The following WDR97 variants were observed in gnomAD, a reference collection of about 807,000 sequenced individuals.
WDR97 encodes the protein WD repeat-containing protein 97.
Under a neutral mutation model 65.4 loss-of-function variants are expected in WDR97, and 111 were observed. The ratio of observed to expected loss-of-function variants is 1.70; its 90% confidence interval spans 1.45 to 1.99. WDR97 has a LOEUF of 1.99. Among genes scored for constraint, WDR97 ranks in the 30% most tolerant of loss-of-function variants. The pLI, the probability that WDR97 is intolerant of heterozygous loss-of-function variation, is 0.00. For synonymous variants in WDR97, 802 were observed against 397.7 expected, an observed-to-expected ratio of 2.02 and a Z score of -12.10; for missense variants, 1,674 against 865.0, an observed-to-expected ratio of 1.94 and a Z score of -11.73.
Position 144,109,728 on chromosome 8 carries a change from T to G in WDR97, c.1394T>G (p.Ile465Arg). The G allele has an allele frequency of 1.5e-6, 1 of 681,330 alleles. No individual in the cohort carries two copies. Among genetic ancestry groups the G allele is most frequent in the Non-Finnish European group, 2.7e-6 (1 of 376,548 alleles). The allele number at this position is 681,330 out of a possible 1,614,324, so 42.2% of individuals were successfully genotyped here. The change falls in exon 5 of 24, where the codon ATA becomes AGA. Residue 465 changes from isoleucine to arginine, a missense_variant. By Grantham distance (97) the Ile-to-Arg change is moderately conservative (BLOSUM62 -3). Coordinates refer to ENST00000323662, the MANE Select transcript of WDR97 (RefSeq NM_001316309.2). ...VYLLSAATGR[I>R]VSSLLLEPED... ...CTCCTGTCGGCGGCCACCGGGCGCA[T>G]AGTGAGCTCACTGCTGCTGGAGCCG...
intron 15 of WDR97, 29 bp downstream of exon 15, chr8:144,112,559 C>G: frequency 1.4e-6 from 1 of 702,442 alleles, no homozygotes; most frequent in East Asian, 2.7e-5. Context: ...TCCTGGAGAG[C>G]CACTCCTCTC....
Position 144,117,385 on chromosome 8 carries a change from C to T in WDR97, c.*1092C>T, listed in dbSNP as rs1325328316. 1 of 152,204 alleles carries T rather than the reference C, an allele frequency of 6.6e-6. No individual in the cohort carries two copies. Among genetic ancestry groups the T allele is most frequent in the African/African-American group, 2.4e-5 (1 of 41,432 alleles). The allele number at this position is 152,204 out of a possible 1,614,324, so 9.4% of individuals were successfully genotyped here. On this transcript the variant is annotated 3_prime_UTR_variant, in exon 24 of 24. Coordinates refer to ENST00000323662, the MANE Select transcript of WDR97 (RefSeq NM_001316309.2). ...CTTTTTATAAAAAAAATGAGTAAACCTAGATACCTCGATCAGTGTCTAGCG... is the reference window on the plus strand; with the variant it reads ...CTTTTTATAAAAAAAATGAGTAAACTTAGATACCTCGATCAGTGTCTAGCG...
Position 144,111,925 on chromosome 8 carries a change from C to A in WDR97, c.2676C>A (p.Ala892=). Residue 892 remains alanine (A), a synonymous_variant, in exon 13 of 24, where the codon GCC becomes GCA. Coordinates refer to ENST00000323662, the MANE Select transcript of WDR97 (RefSeq NM_001316309.2). ...QSGRGSQQWS[A]GTLRVERETR... ...GAAGGGGGTCCCAGCAGTGGAGTGC[C>A]GGGACCCTCAGAGTGGAGAGAGAGA... The A allele has an allele frequency of 2.8e-6, 2 of 702,464 alleles. No homozygotes were observed. Among genetic ancestry groups the A allele is most frequent in the East Asian group, 2.7e-5 (1 of 37,266 alleles). The allele number at this position is 702,464 out of a possible 1,614,324, so 43.5% of individuals were successfully genotyped here.
chr8:144,108,983 GGC>G (rs1836481251), intron 3 of WDR97, 39 bp downstream of exon 3: 1 of 703,080 alleles, frequency 1.4e-6, no homozygotes, highest in Non-Finnish European at 2.6e-6. Flanking sequence ...GGCATGTAGG[GGC>G]ACACGGCCCT....
rs1371860725 is a variant in WDR97 at position 144,114,552 on chromosome 8, A to G, written c.3793-2A>G. ...CAACCACATCCCCACCGCCTGCCTC[A>G]GGACCAGACACAGAAGAAGTTCGTG... On this transcript the variant is annotated splice_acceptor_variant, in intron 19 of 23. Coordinates refer to ENST00000323662, the MANE Select transcript of WDR97 (RefSeq NM_001316309.2). LOFTEE classifies it high-confidence loss of function. The G allele has an allele frequency of 1.4e-6, 1 of 701,748 alleles. No individual in the cohort carries two copies. Among genetic ancestry groups the G allele is most frequent in the Non-Finnish European group, 2.6e-6 (1 of 384,824 alleles). 43.5% of individuals were successfully genotyped at this position (701,748 alleles called of 1,614,324 possible). A position where few individuals can be genotyped will look rare whatever the true frequency, so the allele number is the denominator to read the frequency against.
At position 144,114,914 on chromosome 8, in the gene WDR97, T is replaced by G; in HGVS notation, c.4077+3T>G. 1.5e-6 allele frequency: 1 copy of G among 689,424 alleles called. No homozygotes were observed. The highest frequency in any genetic ancestry group is 2.6e-6 in the Non-Finnish European group (1 of 379,996). The allele number at this position is 689,424 out of a possible 1,614,324, so 42.7% of individuals were successfully genotyped here. A position where few individuals can be genotyped will look rare whatever the true frequency, so the allele number is the denominator to read the frequency against. ...AGGACATGATCCAGGAGCTTCAGGT[T>G]GGGCCGGCAGGGGCCGGGGGGGCCT... On this transcript the variant is annotated splice_donor_region_variant and intron_variant, in intron 21 of 23. Transcript: ENST00000323662.
rs1836463824 is a variant in WDR97 at position 144,108,470 on chromosome 8, AGGAAGAC to A, written c.407_413del (p.Glu136AlafsTer17). 1.4e-6 allele frequency: 1 copy of A among 700,520 alleles called. No individual in the cohort carries two copies. The highest frequency in any genetic ancestry group is 2.0e-5 in the Admixed American group (1 of 49,918). 43.4% of individuals were successfully genotyped at this position (700,520 alleles called of 1,614,324 possible). ...GGCGCGGGCCGCCTGCACCTGCACAAGGAAGACGGCTGGGCACAGGAGACGCTGCTGG... is the reference window on the plus strand; with the variant it reads ...GGCGCGGGCCGCCTGCACCTGCACAAGGCTGGGCACAGGAGACGCTGCTGG... On this transcript the variant is annotated frameshift_variant, in exon 3 of 24. Coordinates refer to ENST00000323662, the MANE Select transcript of WDR97 (RefSeq NM_001316309.2). LOFTEE classifies it high-confidence loss of function.
Position 144,116,176 on chromosome 8 carries a change from G to A in WDR97, c.4752G>A (p.Pro1584=), listed in dbSNP as rs1003056186. ...AGCTGCCGTTGCCGCGTGTGGAGCC[G>A]CAGCCTTTCCCCCTGGACTGGCCTA... ...TLKLPLPRVE[P]QPFPLDWPMP... is the part of the protein sequence containing the mutation. Residue 1584 remains proline (P), a synonymous_variant, in exon 24 of 24, where the codon CCG becomes CCA. Transcript: ENST00000323662. 1.4e-6 allele frequency: 1 copy of A among 700,168 alleles called. No individual in the cohort carries two copies. Among genetic ancestry groups the A allele is most frequent in the Non-Finnish European group, 2.6e-6 (1 of 383,592 alleles). 43.4% of individuals were successfully genotyped at this position (700,168 alleles called of 1,614,324 possible).
In WDR97 at chr8:144,117,365, T is replaced by G. The variant is rs150398153; in HGVS notation, c.*1072T>G. 84 of 152,302 alleles carry G rather than the reference T, an allele frequency of 5.5e-4. 1 individual carries two copies. The highest frequency in any genetic ancestry group is 2.0e-3 in the African/African-American group (82 of 41,554). 9.4% of individuals were successfully genotyped at this position (152,302 alleles called of 1,614,324 possible). On this transcript the variant is annotated 3_prime_UTR_variant, in exon 24 of 24. Coordinates refer to ENST00000323662, the MANE Select transcript of WDR97 (RefSeq NM_001316309.2). ...TGTCACTAGAGGACTTGACACTTTT[T>G]ATAAAAAAAATGAGTAAACCTAGAT...
Position 144,107,795 on chromosome 8 carries a change from G to A in WDR97, c.45G>A (p.Leu15=), listed in dbSNP as rs1836447377. The A allele has an allele frequency of 1.4e-6, 1 of 702,860 alleles. No homozygotes were observed. 43.5% of individuals were successfully genotyped at this position (702,860 alleles called of 1,614,324 possible). ...AGGCAGAAGGCTACAACCTAGTTCT[G>A]GACTCGGACCTGTATGATGCGGATG... ...VWEAEGYNLV[L]DSDLYDADGY... Residue 15 remains leucine, a synonymous_variant, in exon 1 of 24, where the codon CTG becomes CTA. Coordinates refer to ENST00000323662, the MANE Select transcript of WDR97 (RefSeq NM_001316309.2).
chr8:144,109,602 C>A lies in WDR97; in HGVS notation c.1268C>A (p.Ala423Asp). 1.5e-6 allele frequency: 1 copy of A among 689,190 alleles called. No homozygotes were observed. The highest frequency in any genetic ancestry group is 2.0e-5 in the Admixed American group (1 of 48,860). 42.7% of individuals were successfully genotyped at this position (689,190 alleles called of 1,614,324 possible). The change falls in exon 5 of 24, where the codon GCC (alanine) becomes GAC (aspartate). Residue 423 changes from alanine to aspartate, a missense_variant. Coordinates refer to ENST00000323662, the MANE Select transcript of WDR97 (RefSeq NM_001316309.2). ...TACTCGCCGTTGGCGCAACTGCCCGCCAAGGTGCTCCACGTGCAGGTGGCG... is the reference window on the plus strand; with the variant it reads ...TACTCGCCGTTGGCGCAACTGCCCGACAAGGTGCTCCACGTGCAGGTGGCG... The part of the protein sequence containing the change: ...ELYSPLAQLP[A>D]KVLHVQVAPA...
chr8:144,114,455 G>C lies in WDR97; in HGVS notation c.3772G>C (p.Asp1258His). 1.4e-6 allele frequency: 1 copy of C among 702,616 alleles called. No individual in the cohort carries two copies. Among genetic ancestry groups the C allele is most frequent in the Non-Finnish European group, 2.6e-6 (1 of 384,850 alleles). The allele number at this position is 702,616 out of a possible 1,614,324, so 43.5% of individuals were successfully genotyped here. The change falls in exon 19 of 24, where the codon GAC (aspartate) becomes CAC (histidine). Residue 1258 changes from aspartate (D) to histidine (H), a missense_variant. By Grantham distance (81) the Asp-to-His change is moderately conservative. Coordinates refer to ENST00000323662, the MANE Select transcript of WDR97 (RefSeq NM_001316309.2). ...CCTGCTCGTACACTTGCTCAACCTG[G>C]ACCAGCCCCCCAGCCTCCAGGTGTG... is the stretch of plus-strand genomic sequence containing the variant. ...QGLLVHLLNL[D>H]QPPSLQDQTQ...
Position 144,113,852 on chromosome 8 carries a change from C to A in WDR97, c.3379C>A (p.Gln1127Lys). 2.9e-6 allele frequency: 2 copies of A among 696,926 alleles called. No homozygotes were observed. Among genetic ancestry groups the A allele is most frequent in the Non-Finnish European group, 2.6e-6 (1 of 381,140 alleles). The allele number at this position is 696,926 out of a possible 1,614,324, so 43.2% of individuals were successfully genotyped here. The stretch of plus-strand genomic sequence containing the variant: ...TTCCCTGAGCCCGCACTCCAACCAG[C>A]AGCTGGATTCCTGGGAACTGGAGGA... ...LASLSPHSNQ[Q>K]LDSWELEDQS... Residue 1127 changes from glutamine (Q) to lysine (K), a missense_variant, in exon 17 of 24, where the codon CAG becomes AAG. By Grantham distance (53) the Gln-to-Lys change is moderately conservative. Transcript: ENST00000323662.
intron 23 of WDR97, 28 bp downstream of exon 23, chr8:144,116,041 A>G: frequency 1.5e-6 from 1 of 689,612 alleles, no homozygotes; most frequent in East Asian, 2.7e-5. Context: ...TGGAGACTGG[A>G]CCCCACCCAC....
rs1227698168 is a variant in WDR97, at chr8:144,115,434, G to A, written c.4171G>A (p.Gly1391Arg). ...GTSWSASGIF[G>R]RLSQVSEVPL... ...CTCCTGGTCGGCCTCCGGCATCTTC[G>A]GGAGGCTCTCGCAGGTCTCAGAGGT... The change falls in exon 22 of 24, where the codon GGG becomes AGG. Residue 1391 changes from glycine (G) to arginine (R), a missense_variant. Coordinates refer to ENST00000323662, the MANE Select transcript of WDR97 (RefSeq NM_001316309.2). 4.4e-6 allele frequency: 3 copies of A among 685,324 alleles called. No individual in the cohort carries two copies. The highest frequency in any genetic ancestry group is 2.1e-5 in the Admixed American group (1 of 48,202). 42.5% of individuals were successfully genotyped at this position (685,324 alleles called of 1,614,324 possible). A position where few individuals can be genotyped will look rare whatever the true frequency, so the allele number is the denominator to read the frequency against.
In WDR97 at chr8:144,115,473, G is replaced by T. The variant is rs1018324886; in HGVS notation, c.4210G>T (p.Val1404Phe). Residue 1404 changes from valine to phenylalanine, a missense_variant, in exon 22 of 24, where the codon GTC (valine) becomes TTC (phenylalanine). By Grantham distance (50) the Val-to-Phe change is conservative. Coordinates refer to ENST00000323662, the MANE Select transcript of WDR97 (RefSeq NM_001316309.2). ...GGTCTCAGAGGTGCCTTTGATGGTG[G>T]TCTCACCTGCGGAGCCGCACTCTTT... Reference protein sequence around the residue: ...SQVSEVPLMVVSPAEPHSLAP... With the variant: ...SQVSEVPLMVFSPAEPHSLAP... 2.9e-6 allele frequency: 2 copies of T among 695,456 alleles called. No homozygotes were observed. Among genetic ancestry groups the T allele is most frequent in the Non-Finnish European group, 5.3e-6 (2 of 380,470 alleles). 43.1% of individuals were successfully genotyped at this position (695,456 alleles called of 1,614,324 possible).
Position 144,117,551 on chromosome 8 carries a change from A to G in WDR97, c.*1258A>G, listed in dbSNP as rs556862270. Reference sequence around the variant, plus strand: ...CAGGGGGGGATCTGAGGGACCCCACATGACTTACAATCAGACAAGGTAGGT... The same window carrying G: ...CAGGGGGGGATCTGAGGGACCCCACGTGACTTACAATCAGACAAGGTAGGT... On this transcript the variant is annotated 3_prime_UTR_variant, in exon 24 of 24. Transcript: ENST00000323662. 1 of 152,810 alleles carries G rather than the reference A, an allele frequency of 6.5e-6. No homozygotes were observed. The highest frequency in any genetic ancestry group is 1.9e-4 in the East Asian group (1 of 5,204). 9.5% of individuals were successfully genotyped at this position (152,810 alleles called of 1,614,324 possible). A position where few individuals can be genotyped will look rare whatever the true frequency, so the allele number is the denominator to read the frequency against.
In WDR97 at chr8:144,114,774, G is replaced by A. The variant is rs574583784; in HGVS notation, c.3940G>A (p.Gly1314Arg). 15 of 702,074 alleles carry A rather than the reference G, an allele frequency of 2.1e-5. No homozygotes were observed. Among genetic ancestry groups the A allele is most frequent in the East Asian group, 1.3e-4 (5 of 37,284 alleles). The allele number at this position is 702,074 out of a possible 1,614,324, so 43.5% of individuals were successfully genotyped here. Residue 1314 changes from glycine (G) to arginine (R), a missense_variant, in exon 21 of 24, where the codon GGG becomes AGG. Physicochemically the swap from Gly to Arg is moderately radical, Grantham distance 125. Coordinates refer to ENST00000323662, the MANE Select transcript of WDR97 (RefSeq NM_001316309.2). ...CRPELKKLLH[G>R]LGLQDPEGFL... is the part of the protein sequence containing the mutation. ...GCCAGAGCTCAAGAAGCTGCTGCAC[G>A]GGCTGGGCCTTCAGGACCCAGAGGG...
At chr8:144,111,338 C>T in intron 10 of WDR97, 88 bp from the exon 11 acceptor site, 1 of 702,758 alleles carries the variant, frequency 1.4e-6, no homozygotes, top group Admixed American at 2.0e-5. Flanking sequence ...CCTGGCACAC[C>T]CGTTTGGGGT....
Sources: allele counts gnomAD v4.1 joint callset, GRCh38; gene constraint gnomAD v4.1.1; transcripts MANE v1.5; gene names NCBI Gene and HGNC (gene_info 2026-07-23, HGNC 2026-07-21).